Variants in PCNX1 observed in about 807,000 individuals in gnomAD.
PCNX1 encodes pecanex-like protein 1.
Under a neutral mutation model 242.2 loss-of-function variants are expected in PCNX1, and 78 were observed. The ratio of observed to expected loss-of-function variants is 0.32; its 90% confidence interval spans 0.27 to 0.39. The LOEUF is 0.39. Among genes scored for constraint, PCNX1 ranks in the 10% least tolerant of loss-of-function variants. PCNX1 has a pLI of 1.00. For synonymous variants in PCNX1, 1,024 were observed against 1,032.9 expected (o/e 0.99, Z 0.17); for missense variants, 2,581 against 2,856.5 (o/e 0.90, Z 2.20).
chr14:70,990,337 G>A (rs1367068818), intron 7 of PCNX1, among the ~76,000 whole-genome samples: 3 of 151,854 alleles, frequency 2.0e-5, no homozygotes, highest in Admixed American at 6.6e-5. Flanking sequence ...TGAGGTGGGC[G>A]GATCACCTGA....
chr14:70,993,548 A>G (rs1595168808), intron 7 of PCNX1, among the ~76,000 whole-genome samples: 2 of 152,210 alleles, frequency 1.3e-5, no homozygotes, highest in Admixed American at 6.5e-5. Flanking sequence ...ATTTTTATGC[A>G]TTGTCTAATA....
At chr14:71,052,067 C>T in intron 24 of PCNX1, 55 bp downstream of exon 24, 1 of 1,260,180 alleles carries the variant, frequency 7.9e-7, no homozygotes, top group Admixed American at 2.0e-5. Context: ...CTGGGAAAAA[C>T]TATTGACAGC....
intron 30 of PCNX1, among the ~76,000 whole-genome samples, chr14:71,094,978 T>C (rs887467340): frequency 2.0e-5 from 3 of 152,218 alleles, no homozygotes; most frequent in Non-Finnish European, 4.4e-5. Flanking sequence ...CAGTATTTAC[T>C]ATTGCATATT....
chr14:71,100,592 T>A (rs1470212696), intron 30 of PCNX1, among the ~76,000 whole-genome samples: 4 of 152,204 alleles, frequency 2.6e-5, no homozygotes, highest in Non-Finnish European at 5.9e-5. Context: ...TTGTATAGTA[T>A]CTCACAGCTG....
intron 12 of PCNX1, 109 bp downstream of exon 12, chr14:71,019,271 TTTC>T (rs1475865030): frequency 1.1e-5 from 9 of 840,842 alleles, no homozygotes; most frequent in Non-Finnish European, 1.4e-5. Context: ...TAGGCTTACT[TTTC>T]TTGCATGTTT....
intron 27 of PCNX1, among the ~76,000 whole-genome samples, chr14:71,074,990 C>CTCTTTTTTT (rs1159668298): frequency 6.9e-5 from 7 of 101,116 alleles, no homozygotes; most frequent in African/African-American, 2.7e-4. Context: ...CTTTTCTTCT[C>CTCTTTTTTT]TTTTTTTTTT....
intron 12 of PCNX1, among the ~76,000 whole-genome samples, chr14:71,020,500 G>A (rs1265127095): frequency 6.6e-6 from 1 of 152,116 alleles, no homozygotes; most frequent in African/African-American, 2.4e-5. Context: ...GTATCTCATT[G>A]TGGTTTTGAT....
intron 1 of PCNX1, among the ~76,000 whole-genome samples, chr14:70,929,922 A>G (rs1051160635): frequency 6.6e-6 from 1 of 152,240 alleles, no homozygotes; most frequent in South Asian, 2.1e-4. Context: ...ACCAGAATTT[A>G]TAGATTCAAA....
rs775348936 is a variant in PCNX1, at chr14:71,009,736, G to A, written c.2720+12G>A. 3 of 1,490,376 alleles carry A rather than the reference G, an allele frequency of 2.0e-6. No homozygotes were observed. The highest frequency in any genetic ancestry group is 2.8e-6 in the Non-Finnish European group (3 of 1,071,818). The allele number at this position is 1,490,376 out of a possible 1,614,324, so 92.3% of individuals were successfully genotyped here. ...GCATCCAATATCTGGTATGTGTGAA[G>A]TCATATTAGGAGTGTGTGTACTTTC... On this transcript the variant is annotated intron_variant, in intron 9 of 35. Coordinates refer to ENST00000304743, the MANE Select transcript of PCNX1 (RefSeq NM_014982.3).
intron 30 of PCNX1, among the ~76,000 whole-genome samples, chr14:71,098,973 T>C (rs993994457): frequency 9.9e-5 from 15 of 152,164 alleles, no homozygotes; most frequent in African/African-American, 3.6e-4. Context: ...TGGCATGTTG[T>C]ATCTCTGTTT....
Position 71,103,511 on chromosome 14 carries a change from C to T in PCNX1, c.5937C>T (p.Asn1979=). ...AAAATGCAAAGCAAGCCCTGAGAAA[C>T]ATGATAAACTCATCTTGTGATCAAC... ...SIQNAKQALR[N]MINSSCDQPI... Residue 1979 remains asparagine, a synonymous_variant, in exon 32 of 36, where the codon AAC becomes AAT. Coordinates refer to ENST00000304743, the MANE Select transcript of PCNX1 (RefSeq NM_014982.3). The T allele has an allele frequency of 6.2e-7, 1 of 1,614,156 alleles. No homozygotes were observed. Among genetic ancestry groups the T allele is most frequent in the South Asian group, 1.1e-5 (1 of 91,088 alleles).
At chr14:71,065,825 T>C (rs1291131624) in intron 26 of PCNX1, among the ~76,000 whole-genome samples, 1 of 152,234 alleles carries the variant, frequency 6.6e-6, no homozygotes, top group African/African-American at 2.4e-5. Context: ...TTCAGTTTTC[T>C]GCATATGGCT....
chr14:71,110,565 A>G lies in PCNX1; in HGVS notation c.*630A>G, dbSNP rs1468292823. 2 of 152,826 alleles carry G rather than the reference A, an allele frequency of 1.3e-5. No individual in the cohort carries two copies. Among genetic ancestry groups the G allele is most frequent in the Non-Finnish European group, 2.9e-5 (2 of 68,322 alleles). 9.5% of individuals were successfully genotyped at this position (152,826 alleles called of 1,614,324 possible). On this transcript the variant is annotated 3_prime_UTR_variant, in exon 36 of 36. Coordinates refer to ENST00000304743, the MANE Select transcript of PCNX1 (RefSeq NM_014982.3). ...TATTTATATATAAAAATAAAATACC[A>G]TTATTTAAATTGCCTTTGGGATTAG... is the stretch of plus-strand genomic sequence containing the variant.
At chr14:71,108,092 A>T (rs897541486) in intron 33 of PCNX1, among the ~76,000 whole-genome samples, 6 of 152,108 alleles carry the variant, frequency 3.9e-5, no homozygotes, top group African/African-American at 1.4e-4. Context: ...CCTTTGACCA[A>T]CACCTCCTCT....
chr14:70,923,112 TTTTTC>T (rs1212561820), intron 1 of PCNX1, among the ~76,000 whole-genome samples: 1 of 151,472 alleles, frequency 6.6e-6, no homozygotes, highest in Non-Finnish European at 1.5e-5. Context: ...ACACACGTCT[TTTTTC>T]TTTTAACTGC....
chr14:70,908,096 G>T lies in PCNX1; in HGVS notation c.153+93G>T, dbSNP rs1267959595. 9 of 1,227,462 alleles carry T rather than the reference G, an allele frequency of 7.3e-6. No individual in the cohort carries two copies. The East Asian group carries it at 2.8e-4, about 38-fold the overall frequency. 76.0% of individuals were successfully genotyped at this position (1,227,462 alleles called of 1,614,324 possible). The stretch of plus-strand genomic sequence containing the variant: ...CCCTCTTCCTCTTCCACGGGGTCTC[G>T]TCCCCCGGGGGCCGCCACCCTCTCG... On this transcript the variant is annotated intron_variant, in intron 1 of 35. Transcript: ENST00000304743.
chr14:70,922,600 T>A (rs2056421332), intron 1 of PCNX1, among the ~76,000 whole-genome samples: 1 of 152,120 alleles, frequency 6.6e-6, no homozygotes, highest in Non-Finnish European at 1.5e-5. Flanking sequence ...TACAAACATA[T>A]ATTCATATAT....
intron 1 of PCNX1, among the ~76,000 whole-genome samples, chr14:70,941,056 G>C (rs1451045382): frequency 6.6e-6 from 1 of 152,044 alleles, no homozygotes; most frequent in Non-Finnish European, 1.5e-5. Flanking sequence ...TAGCTTCTTT[G>C]TGATGGGTTC....
intron 1 of PCNX1, among the ~76,000 whole-genome samples, chr14:70,944,508 T>G (rs544193509): frequency 6.6e-6 from 1 of 152,366 alleles, no homozygotes; most frequent in African/African-American, 2.4e-5. Context: ...TAATTTGCTT[T>G]TGATTTTACA....
Sources: allele counts gnomAD v4.1 joint callset (sites outside exome capture counted in the v4.1 genomes callset), GRCh38; gene constraint gnomAD v4.1.1; transcripts MANE v1.5; gene names NCBI Gene and HGNC (gene_info 2026-07-23, HGNC 2026-07-21).